ZNF280C: variants seen among roughly 807,000 people sequenced by gnomAD.
The protein encoded by ZNF280C is suppressor of hairy wing homolog 3.
Under a neutral mutation model 53.6 loss-of-function variants are expected in ZNF280C, and 14 were observed. That is an observed-to-expected ratio of 0.26 (90% CI 0.17 to 0.41). The LOEUF (loss-of-function observed/expected upper bound fraction) is 0.41. ZNF280C is among the 10% of genes least tolerant of loss of function. The pLI, the probability that ZNF280C is intolerant of heterozygous loss-of-function variation, is 1.00. For synonymous variants in ZNF280C, 203 were observed against 181.1 expected (o/e 1.12, Z -0.97); for missense variants, 416 against 547.1 (o/e 0.76, Z 2.39).
At chrX:130,213,270 G>A (rs2032061927) in intron 15 of ZNF280C, among the ~76,000 whole-genome samples, 1 of 112,287 alleles carries the variant, frequency 8.9e-6, no homozygotes, top group Admixed American at 9.4e-5. Context: ...CTGCTGGGGA[G>A]GCTGAGGCAG....
chrX:130,228,842 A>AT (rs1169715133), intron 10 of ZNF280C, 135 bp downstream of exon 10: 2,808 of 568,525 alleles, frequency 4.9e-3, no homozygotes, highest in Non-Finnish European at 5.8e-3. Flanking sequence ...AAAAGTTATG[A>AT]TTTTTTTTTT....
chrX:130,255,228 C>T (rs1401635759), intron 2 of ZNF280C, among the ~76,000 whole-genome samples: 1 of 99,472 alleles, frequency 1.0e-5, no homozygotes, highest in African/African-American at 3.7e-5. Context: ...GCAAGCTCCG[C>T]CTCCCGGGTT....
intron 6 of ZNF280C, among the ~76,000 whole-genome samples, chrX:130,237,209 T>C (rs1368133576): frequency 1.8e-5 from 2 of 111,959 alleles, no homozygotes; most frequent in Non-Finnish European, 3.8e-5. Context: ...AATTATCTTG[T>C]TTACTCCCTA....
chrX:130,216,863 G>T (rs1259345487), intron 13 of ZNF280C, among the ~76,000 whole-genome samples: 3 of 110,926 alleles, frequency 2.7e-5, no homozygotes, highest in Non-Finnish European at 3.8e-5. Context: ...AGCCAGGCAT[G>T]GTGGCAGGTA....
At chrX:130,250,892 C>T (rs893383167) in intron 2 of ZNF280C, among the ~76,000 whole-genome samples, 1 of 110,113 alleles carries the variant, frequency 9.1e-6, no homozygotes, top group Non-Finnish European at 1.9e-5. Context: ...GCCAGGAGTT[C>T]GAGACCGGCC....
intron 5 of ZNF280C, among the ~76,000 whole-genome samples, chrX:130,241,222 G>T (rs1446085482): frequency 8.9e-6 from 1 of 111,857 alleles, no homozygotes; most frequent in Non-Finnish European, 1.9e-5. Context: ...TACAGATAAT[G>T]AAATAGATTT....
chrX:130,265,074 ATCTT>A (rs908988651), intron 1 of ZNF280C, among the ~76,000 whole-genome samples: 4 of 112,109 alleles, frequency 3.6e-5, no homozygotes, highest in African/African-American at 9.7e-5. Flanking sequence ...TATGCAAATT[ATCTT>A]TTTTTCTGAA....
At chrX:130,215,501 A>G (rs2032091093) in intron 14 of ZNF280C, among the ~76,000 whole-genome samples, 168 bp from the exon 15 acceptor site, 1 of 112,241 alleles carries the variant, frequency 8.9e-6, no homozygotes, top group African/African-American at 3.2e-5. Flanking sequence ...AGTGTAAAAA[A>G]TTTAACACCA....
chrX:130,264,968 G>A (rs2032672755), intron 1 of ZNF280C, among the ~76,000 whole-genome samples: 1 of 111,769 alleles, frequency 8.9e-6, no homozygotes, highest in African/African-American at 3.2e-5. Context: ...GCATCTCAAC[G>A]ATTCAAACTT....
chrX:130,205,099 A>C lies in ZNF280C; in HGVS notation c.2198+18T>G. 2 of 1,191,288 alleles carry C rather than the reference A, an allele frequency of 1.7e-6. No individual in the cohort carries two copies. The highest frequency in any genetic ancestry group is 2.3e-6 in the Non-Finnish European group (2 of 886,549). On this transcript the variant is annotated intron_variant, in intron 18 of 18. Coordinates refer to ENST00000370978, the MANE Select transcript of ZNF280C (RefSeq NM_017666.5). Reference sequence around the variant, plus strand: ...AAGTCCATCAAAGCAAAATGCACTGAAGGAAAATTAAACTTACCCAGTAGT... The same window carrying C: ...AAGTCCATCAAAGCAAAATGCACTGCAGGAAAATTAAACTTACCCAGTAGT...
chrX:130,256,530 A>T (rs147406051), intron 2 of ZNF280C, among the ~76,000 whole-genome samples: 129 of 110,058 alleles, frequency 1.2e-3, no homozygotes, highest in Non-Finnish European at 2.0e-3. Flanking sequence ...TGGGAAGTGC[A>T]GTGAGCCAAG....
chrX:130,214,276 A>G (rs1196604026), intron 15 of ZNF280C, among the ~76,000 whole-genome samples: 2 of 111,947 alleles, frequency 1.8e-5, no homozygotes, highest in African/African-American at 6.5e-5. Flanking sequence ...TCCCTTGTGT[A>G]GAGTAGACCA....
At chrX:130,233,728 G>A (rs2032303531) in intron 8 of ZNF280C, among the ~76,000 whole-genome samples, 1 of 110,016 alleles carries the variant, frequency 9.1e-6, no homozygotes, top group African/African-American at 3.3e-5. Flanking sequence ...ACTTTTGAAG[G>A]TGATGGTTAT....
At chrX:130,222,330 A>ACACACACACC (rs1491265281) in intron 12 of ZNF280C, among the ~76,000 whole-genome samples, 2 of 96,375 alleles carry the variant, frequency 2.1e-5, no homozygotes, top group African/African-American at 7.5e-5. Context: ...ACACACACAC[A>ACACACACACC]CCCTTCTCTA....
intron 9 of ZNF280C, among the ~76,000 whole-genome samples, chrX:130,229,906 G>T (rs2032259673): frequency 8.9e-6 from 1 of 112,143 alleles, no homozygotes; most frequent in Admixed American, 9.5e-5. Context: ...GTTATTCAAT[G>T]TAAACAACAG....
chrX:130,228,579 G>A (rs1207169008), intron 10 of ZNF280C, among the ~76,000 whole-genome samples: 3 of 104,269 alleles, frequency 2.9e-5, no homozygotes, highest in East Asian at 3.0e-4. Flanking sequence ...CACTGCGCCC[G>A]ACCAAGGGAC....
intron 15 of ZNF280C, among the ~76,000 whole-genome samples, chrX:130,211,202 G>GT (rs1451954261): frequency 8.9e-6 from 1 of 112,294 alleles, no homozygotes; most frequent in African/African-American, 3.2e-5. Context: ...TCTCAAAGAG[G>GT]TAATAGAGAC....
At chrX:130,248,353 C>T (rs1376632265) in intron 2 of ZNF280C, among the ~76,000 whole-genome samples, 1 of 109,283 alleles carries the variant, frequency 9.2e-6, no homozygotes, top group East Asian at 2.9e-4. Context: ...GAACAACTCA[C>T]TCTTGCCATG....
intron 2 of ZNF280C, 127 bp from the exon 3 acceptor site, chrX:130,247,132 T>C (rs1249210230): frequency 2.7e-6 from 2 of 740,214 alleles, no homozygotes; most frequent in Non-Finnish European, 3.8e-6. Flanking sequence ...TGATATTTGT[T>C]TGTTTTTGTG....
Sources: gnomAD v4.1 joint callset for allele counts (sites outside exome capture counted in the v4.1 genomes callset) on GRCh38, gnomAD v4.1.1 for gene constraint, MANE v1.5 for transcripts, NCBI Gene and HGNC (gene_info 2026-07-23, HGNC 2026-07-21) for gene names.